Variants in LINC00632 observed in about 807,000 individuals in gnomAD.
LINC00632 encodes the protein ALDOA related specific transcript.
chrX:140,775,370 A>AG (rs2148402559), exon 5 of LINC00632, among the ~76,000 whole-genome samples: 1 of 112,270 alleles, frequency 8.9e-6, no homozygotes, highest in East Asian at 2.8e-4. Flanking sequence ...GATTTAACAG[A>AG]GGAAAAAAAA....
chrX:140,726,847 A>G (rs896614098), intron 2 of LINC00632, among the ~76,000 whole-genome samples: 2 of 111,820 alleles, frequency 1.8e-5, no homozygotes, highest in African/African-American at 6.5e-5. Flanking sequence ...CTCCATAATT[A>G]ATGGATACAC....
intron 2 of LINC00632, among the ~76,000 whole-genome samples, chrX:140,726,768 G>A (rs1418015645): frequency 1.8e-5 from 2 of 111,719 alleles, no homozygotes; most frequent in Non-Finnish European, 3.8e-5. Context: ...AACATGCCTT[G>A]TAAGATATAG....
intron 3 of LINC00632, among the ~76,000 whole-genome samples, chrX:140,740,020 A>G (rs1463202056): frequency 8.9e-6 from 1 of 112,015 alleles, no homozygotes; most frequent in Non-Finnish European, 1.9e-5. Flanking sequence ...ATAACATTTC[A>G]TTATACATCT....
At chrX:140,773,428 C>T (rs1255195513) in exon 4 of LINC00632, among the ~76,000 whole-genome samples, 1 of 112,305 alleles carries the variant, frequency 8.9e-6, no homozygotes, top group African/African-American at 3.2e-5. Flanking sequence ...AGAAAAGGAC[C>T]AGAGGCTTCA....
At chrX:140,715,019 A>G (rs1930599478) in intron 2 of LINC00632, among the ~76,000 whole-genome samples, 1 of 110,956 alleles carries the variant, frequency 9.0e-6, no homozygotes, top group South Asian at 3.8e-4. Flanking sequence ...ATAAATAGAC[A>G]TACCTGACAA....
intron 2 of LINC00632, chrX:140,715,903 C>T (rs1159242879): frequency 9.0e-6 from 1 of 111,717 alleles, no homozygotes; most frequent in Non-Finnish European, 1.9e-5. Context: ...CAGACAAGCC[C>T]TTCAGGGCAC....
chrX:140,789,155 G>A (rs1007314288), exon 5 of LINC00632, among the ~76,000 whole-genome samples: 1 of 108,275 alleles, frequency 9.2e-6, no homozygotes, highest in Admixed American at 1.0e-4. Flanking sequence ...AATACGTAAC[G>A]GAGTGAGAAG....
At chrX:140,748,315 A>G (rs1047118290) in intron 3 of LINC00632, among the ~76,000 whole-genome samples, 5 of 112,382 alleles carry the variant, frequency 4.4e-5, no homozygotes, top group Non-Finnish European at 9.4e-5. Flanking sequence ...TGAGGTTACA[A>G]ATTAATATAA....
chrX:140,763,862 G>A (rs1448740488), intron 3 of LINC00632, among the ~76,000 whole-genome samples: 1 of 111,878 alleles, frequency 8.9e-6, no homozygotes, highest in Non-Finnish European at 1.9e-5. Context: ...CTGTGGACAA[G>A]CACTTGCCAT....
chrX:140,755,375 A>G (rs1841440884), intron 3 of LINC00632, among the ~76,000 whole-genome samples: 1 of 112,354 alleles, frequency 8.9e-6, no homozygotes, highest in Admixed American at 9.4e-5. Flanking sequence ...TGAGTGCAAG[A>G]TTAAGTTAAA....
At chrX:140,753,768 C>CTTTTTTTTTTTTTTTTTTTTTTTTTTTTT (rs752596283) in intron 3 of LINC00632, among the ~76,000 whole-genome samples, 2 of 49,731 alleles carry the variant, frequency 4.0e-5, no homozygotes, top group African/African-American at 1.9e-4. Flanking sequence ...TTCTTTCTTT[C>CTTTTTTTTTTTTTTTTTTTTTTTTTTTTT]TTTTTTTTTT....
At chrX:140,789,690 T>C (rs1275571146) in exon 5 of LINC00632, among the ~76,000 whole-genome samples, 2 of 112,232 alleles carry the variant, frequency 1.8e-5, no homozygotes, top group Non-Finnish European at 3.8e-5. Context: ...TATTTTTCTC[T>C]AATAATTTGT....
chrX:140,786,480 T>C (rs762593261), exon 5 of LINC00632, among the ~76,000 whole-genome samples: 3 of 111,880 alleles, frequency 2.7e-5, no homozygotes, highest in Non-Finnish European at 5.7e-5. Context: ...CAATATAGCC[T>C]TGTGACTTAA....
intron 2 of LINC00632, among the ~76,000 whole-genome samples, chrX:140,733,629 G>A (rs749394239): frequency 3.0e-4 from 34 of 112,057 alleles, no homozygotes; most frequent in Admixed American, 9.5e-4. Context: ...ATAGGATTTG[G>A]TTTTTGTGGT....
intron 3 of LINC00632, among the ~76,000 whole-genome samples, chrX:140,743,814 C>T (rs904782383): frequency 2.7e-5 from 3 of 111,124 alleles, no homozygotes. Context: ...AGAGGCTTTC[C>T]CTCCACCTCC....
chrX:140,784,136 T>C (rs754582846), exon 5 of LINC00632: 1 of 1,209,505 alleles, frequency 8.3e-7, no homozygotes, highest in African/African-American at 1.8e-5. Context: ...AATCCTTGTC[T>C]TCCCTCAAAT....
At chrX:140,773,334 C>A (rs1312173573) in exon 4 of LINC00632, among the ~76,000 whole-genome samples, 1 of 112,202 alleles carries the variant, frequency 8.9e-6, no homozygotes, top group Non-Finnish European at 1.9e-5. Flanking sequence ...CGATTGAGGA[C>A]AATGGCAATT....
At chrX:140,749,378 T>C (rs1314854503) in intron 3 of LINC00632, among the ~76,000 whole-genome samples, 2 of 111,953 alleles carry the variant, frequency 1.8e-5, no homozygotes, top group Non-Finnish European at 3.8e-5. Flanking sequence ...GGAAAGTTTT[T>C]GTGATACGTT....
At chrX:140,713,870 A>T in intron 2 of LINC00632, 1 of 291,935 alleles carries the variant, frequency 3.4e-6, no homozygotes, top group South Asian at 3.1e-5. Context: ...CACACAGACA[A>T]TCCCAACATC....
Sources: allele counts gnomAD v4.1 joint callset (sites outside exome capture counted in the v4.1 genomes callset), GRCh38; gene constraint gnomAD v4.1.1; transcripts MANE v1.5; gene names NCBI Gene and HGNC (gene_info 2026-07-23, HGNC 2026-07-21).